Variants in ARSG observed in about 807,000 individuals in gnomAD.
ARSG encodes arylsulfatase G.
ARSG carries 37 observed loss-of-function variants against 50.5 expected under a neutral mutation model. The ratio of observed to expected loss-of-function variants is 0.73; its 90% CI spans 0.56 to 0.96. The LOEUF (loss-of-function observed/expected upper bound fraction) is 0.96. Among genes scored for constraint, ARSG ranks in the 50% least tolerant of loss-of-function variants. The pLI is 0.00. For synonymous variants in ARSG, 225 were observed against 254.6 expected (o/e 0.88, Z 1.11); for missense variants, 629 against 675.3 (o/e 0.93, Z 0.76).
At chr17:68,388,922 CAAAA>C (rs35105754) in intron 9 of ARSG, among the ~76,000 whole-genome samples, 3,454 of 107,992 alleles carry the variant, frequency 0.032, 84 homozygotes, top group East Asian at 0.18. Context: ...GACTCTGTCT[CAAAA>C]AAAAAAAAAA....
intron 2 of ARSG, among the ~76,000 whole-genome samples, chr17:68,338,037 T>G (rs1366945851): frequency 6.6e-6 from 1 of 152,150 alleles, no homozygotes; most frequent in East Asian, 1.9e-4. Flanking sequence ...GTGCCTGGTT[T>G]TTCTCTAGAT....
rs1446327035 is a variant in ARSG, at chr17:68,371,345, G to A, written c.982+821G>A. On this transcript the variant is annotated intron_variant, in intron 8 of 11. Coordinates refer to ENST00000621439, the MANE Select transcript of ARSG (RefSeq NM_001267727.2). ...AAAAAAAAAAAAAAAAAGAAGGAGA[G>A]AGGCTCAGAGAGGGTAAGTAATTTG... 2.6e-5 allele frequency among the ~76,000 whole-genome samples: 4 copies of A among 150,964 alleles called. No homozygotes were observed. In the East Asian group the frequency reaches 7.8e-4, roughly 29 times the overall value.
At chr17:68,412,794 A>T (rs1185004084) in intron 11 of ARSG, among the ~76,000 whole-genome samples, 3 of 151,930 alleles carry the variant, frequency 2.0e-5, no homozygotes, top group Non-Finnish European at 2.9e-5. Context: ...ACATAGTCCC[A>T]TATTTCTTGG....
intron 5 of ARSG, 85 bp from the exon 6 acceptor site, chr17:68,356,582 A>G (rs2079041109): frequency 1.4e-6 from 2 of 1,471,128 alleles, no homozygotes; most frequent in Admixed American, 1.8e-5. Context: ...ATTTATGTGC[A>G]TATGCATTGT....
At chr17:68,339,307 A>T (rs1182781677) in intron 2 of ARSG, among the ~76,000 whole-genome samples, 2 of 152,138 alleles carry the variant, frequency 1.3e-5, no homozygotes, top group African/African-American at 2.4e-5. Context: ...CAAAAAGAGA[A>T]AAATAAATAA....
At chr17:68,275,937 C>T (rs555210847) in intron 1 of ARSG, among the ~76,000 whole-genome samples, 3 of 150,496 alleles carry the variant, frequency 2.0e-5, no homozygotes, top group East Asian at 2.0e-4. Context: ...GAGCTGAGAC[C>T]GCACCACTGC....
the ARSG span, among the ~76,000 whole-genome samples, chr17:68,450,163 C>CAA: frequency 0.011 from 1,649 of 151,890 alleles, 24 homozygotes; most frequent in African/African-American, 0.031. Context: ...GAAAATGCTA[C>CAA]AAAAAAAACA....
At chr17:68,355,132 T>C (rs1021177163) in intron 5 of ARSG, among the ~76,000 whole-genome samples, 1 of 152,186 alleles carries the variant, frequency 6.6e-6, no homozygotes, top group Non-Finnish European at 1.5e-5. Context: ...TCAGAATTCC[T>C]AATACACTGA....
chr17:68,404,188 T>C lies in ARSG; in HGVS notation c.1303+2738T>C, dbSNP rs374794998. On this transcript the variant is annotated intron_variant, in intron 11 of 11. Transcript: ENST00000621439. ...AAACATACGTGTGCATGTGTCTTTA[T>C]AGCAGCATGATTTATAATCCTTTGG... Among the ~76,000 whole-genome samples the C allele has an allele frequency of 1.6e-4, 24 of 152,332 alleles. No individual in the cohort carries two copies. The East Asian group carries it at 2.1e-3, about 13-fold the overall frequency.
intron 6 of ARSG, among the ~76,000 whole-genome samples, chr17:68,357,118 C>A (rs1445767032): frequency 6.6e-6 from 1 of 152,184 alleles, no homozygotes; most frequent in Non-Finnish European, 1.5e-5. Flanking sequence ...AAGGGTAGGG[C>A]CTGCCCACTG....
At chr17:68,263,896 C>T (rs577328961) in intron 1 of ARSG, among the ~76,000 whole-genome samples, 2 of 152,146 alleles carry the variant, frequency 1.3e-5, no homozygotes, top group African/African-American at 2.4e-5. Flanking sequence ...CTTGCTCTGT[C>T]GCCCAGGCTA....
Position 68,271,103 on chromosome 17 carries a change from T to C in ARSG, c.-552+11677T>C, listed in dbSNP as rs2075324184. The stretch of plus-strand genomic sequence containing the variant: ...ATGTAAATCTTACGAATGGGCTCCC[T>C]GTTGAGGACAAAACCAGCTCCGATC... On this transcript the variant is annotated intron_variant, in intron 1 of 11. Transcript: ENST00000448504. This position sits in a 1 kb window ranked among gnomAD's most constrained non-coding sequence, Gnocchi z 5.3. The C allele has an allele frequency of 6.2e-7, 1 of 1,614,214 alleles. No homozygotes were observed. The highest frequency in any genetic ancestry group is 1.1e-5 in the South Asian group (1 of 91,078).
chr17:68,409,695 CT>C (rs1379839076), intron 11 of ARSG, among the ~76,000 whole-genome samples: 1 of 149,056 alleles, frequency 6.7e-6, no homozygotes, highest in African/African-American at 2.5e-5. Flanking sequence ...GGCATTGAAT[CT>C]GTAAATTACC....
At chr17:68,274,085 C>T (rs2075432647) in intron 1 of ARSG, 2 of 1,608,408 alleles carry the variant, frequency 1.2e-6, no homozygotes, top group East Asian at 2.2e-5. Context: ...CGGGAAAGAA[C>T]AAAACGATAT....
At position 68,368,659 on chromosome 17, in the gene ARSG, G is replaced by T. The variant is rs767710351; in HGVS notation, c.816G>T (p.Gly272=). ...APRGRSLYGA[G]LWEMDSLVGQ... is the part of the protein sequence containing the mutation. ...GGGGCAGAAGCCTGTATGGTGCAGG[G>T]CTCTGGGAGATGGACAGTCTGGTGG... The change falls in exon 7 of 12, where the codon GGG becomes GGT. Residue 272 remains glycine (G), a synonymous_variant. Coordinates refer to ENST00000621439, the MANE Select transcript of ARSG (RefSeq NM_001267727.2). 6.2e-7 allele frequency: 1 copy of T among 1,614,238 alleles called. No homozygotes were observed. Among genetic ancestry groups the T allele is most frequent in the Non-Finnish European group, 8.5e-7 (1 of 1,180,032 alleles).
the ARSG span, among the ~76,000 whole-genome samples, chr17:68,447,365 T>C: frequency 2.1e-5 from 3 of 141,924 alleles, no homozygotes; most frequent in African/African-American, 9.5e-5. Flanking sequence ...CTAAGTGTTC[T>C]TCTTTTTTAA....
At chr17:68,388,369 C>T (rs577509068) in intron 9 of ARSG, among the ~76,000 whole-genome samples, 10 of 152,234 alleles carry the variant, frequency 6.6e-5, no homozygotes, top group African/African-American at 2.4e-4. Context: ...CCAATCGTGT[C>T]CCCACCCCAC....
At chr17:68,433,466 G>A in the ARSG span, 4 of 1,613,650 alleles carry the variant, frequency 2.5e-6, no homozygotes, top group African/African-American at 2.7e-5. Flanking sequence ...CGGAGTACTT[G>A]CCTGTTGGTG....
intron 6 of ARSG, among the ~76,000 whole-genome samples, chr17:68,360,613 T>C (rs1410101058): frequency 6.6e-6 from 1 of 152,162 alleles, no homozygotes; most frequent in African/African-American, 2.4e-5. Context: ...TAATGCTTGA[T>C]TGGAGTTTTT....
Sources: gnomAD v4.1 joint callset for allele counts (sites outside exome capture counted in the v4.1 genomes callset) on GRCh38, gnomAD v4.1.1 for gene constraint, Gnocchi (gnomAD v3.1) non-coding constraint, MANE v1.5 for transcripts, NCBI Gene and HGNC (gene_info 2026-07-23, HGNC 2026-07-21) for gene names.